The following ZFPM2 variants were observed in gnomAD, a reference collection of about 807,000 sequenced individuals.
The protein encoded by ZFPM2 is zinc finger protein, FOG family member 2.
ZFPM2 carries 20 observed loss-of-function variants against 98.6 expected under a neutral mutation model. The ratio of observed to expected loss-of-function variants is 0.20; its 90% CI spans 0.14 to 0.29. The LOEUF is 0.29. Ranked by LOEUF, ZFPM2 falls within the 10% of genes least tolerant of loss-of-function variation. The pLI, the probability that ZFPM2 is intolerant of heterozygous loss-of-function variation, is 1.00. For missense variants in ZFPM2, 1,310 were observed against 1,388.6 expected, an observed-to-expected ratio of 0.94 and a Z score of 0.90; for synonymous variants, 518 against 502.7, an observed-to-expected ratio of 1.03 and a Z score of -0.41.
intron 1 of ZFPM2, among the ~76,000 whole-genome samples, chr8:105,411,412 C>T (rs1811575189): frequency 6.6e-6 from 1 of 151,686 alleles, no homozygotes; most frequent in Non-Finnish European, 1.5e-5. Context: ...TTATCTTATA[C>T]GTTGTTGTTA....
intron 3 of ZFPM2, among the ~76,000 whole-genome samples, chr8:105,521,898 G>C (rs1295960618): frequency 6.6e-6 from 1 of 151,702 alleles, no homozygotes; most frequent in Non-Finnish European, 1.5e-5. Flanking sequence ...ATAACTACAG[G>C]AAAAAAATAA....
chr8:105,510,759 G>A (rs1813801587), intron 3 of ZFPM2, among the ~76,000 whole-genome samples: 8 of 152,092 alleles, frequency 5.3e-5, no homozygotes, highest in Admixed American at 5.2e-4. Context: ...CTGTTGGTTA[G>A]GAGATACTGG....
chr8:105,372,670 T>C (rs1810647949), intron 1 of ZFPM2, among the ~76,000 whole-genome samples: 1 of 152,130 alleles, frequency 6.6e-6, no homozygotes, highest in African/African-American at 2.4e-5. Flanking sequence ...AGTGTATACT[T>C]AGTAAGAAGA....
At chr8:105,762,803 C>G (rs1812761928) in intron 5 of ZFPM2, among the ~76,000 whole-genome samples, 1 of 151,850 alleles carries the variant, frequency 6.6e-6, no homozygotes, top group Admixed American at 6.6e-5. Flanking sequence ...CTCAATGGCA[C>G]AGTACTGATA....
At chr8:105,730,610 G>C (rs926000127) in intron 5 of ZFPM2, among the ~76,000 whole-genome samples, 6 of 151,606 alleles carry the variant, frequency 4.0e-5, no homozygotes, top group African/African-American at 1.5e-4. Context: ...ACGTGTTCCT[G>C]ATGGCTTAAC....
At chr8:105,704,143 A>G (rs1178495321) in intron 5 of ZFPM2, among the ~76,000 whole-genome samples, 1 of 151,966 alleles carries the variant, frequency 6.6e-6, no homozygotes. Flanking sequence ...CAACATTTGG[A>G]ATCAGAGGAC....
chr8:105,677,709 A>G (rs1810504014), intron 5 of ZFPM2, among the ~76,000 whole-genome samples: 1 of 152,092 alleles, frequency 6.6e-6, no homozygotes. Flanking sequence ...CATAAGAAAA[A>G]AAAAATAAAG....
intron 1 of ZFPM2, among the ~76,000 whole-genome samples, chr8:105,363,633 TATGGC>T (rs1810449854): frequency 6.6e-6 from 1 of 152,134 alleles, no homozygotes; most frequent in Non-Finnish European, 1.5e-5. Flanking sequence ...GTATTGCTAT[TATGGC>T]ATGCTGTCTC....
chr8:105,565,317 A>T (rs995966800), intron 4 of ZFPM2, among the ~76,000 whole-genome samples: 1 of 152,210 alleles, frequency 6.6e-6, no homozygotes, highest in Admixed American at 6.6e-5. Flanking sequence ...CACACTGAAC[A>T]TAGAAATAGA....
rs1358010331 is a variant in ZFPM2 at position 105,756,408 on chromosome 8, T to C, written c.533-32310T>C. ...TGTCTGCTGGCTTGGATAGCTTTAA[T>C]GCTCCTGTTCCACAGCACCAAAGCA... On this transcript the variant is annotated intron_variant, in intron 5 of 7. Transcript: ENST00000407775. 2.6e-5 allele frequency among the ~76,000 whole-genome samples: 4 copies of C among 152,164 alleles called. No homozygotes were observed. In the East Asian group the frequency reaches 7.7e-4, roughly 29 times the overall value.
intron 5 of ZFPM2, among the ~76,000 whole-genome samples, chr8:105,743,562 G>A (rs1429993030): frequency 6.6e-6 from 1 of 151,938 alleles, no homozygotes; most frequent in Non-Finnish European, 1.5e-5. Context: ...GGGGGTGTTG[G>A]AGCATGGCAG....
At position 105,441,494 on chromosome 8, in the gene ZFPM2, G is replaced by GAA. The variant is rs1262149483; in HGVS notation, c.200-2784_200-2783dup. Among the ~76,000 whole-genome samples, 51 of 86,606 alleles carry GAA rather than the reference G, an allele frequency of 5.9e-4. 8 individuals are homozygous for GAA. Among genetic ancestry groups the GAA allele is most frequent in the African/African-American group, 2.1e-3 (48 of 22,642 alleles). The allele number at this position is 86,606 out of a possible 152,430, so 56.8% of individuals were successfully genotyped here. A position where few individuals can be genotyped will look rare whatever the true frequency, so the allele number is the denominator to read the frequency against. On this transcript the variant is annotated intron_variant, in intron 2 of 7. Transcript: ENST00000407775. ...AGAAAGAAAGAAAGAAAGAAAGAAA[G>GAA]AAAGAAATCAAAGCCCAGGGGCGCC...
Position 105,801,551 on chromosome 8 carries a change from C to T in ZFPM2, c.1469C>T (p.Pro490Leu). 1 of 1,613,902 alleles carries T rather than the reference C, an allele frequency of 6.2e-7. No individual in the cohort carries two copies. Among genetic ancestry groups the T allele is most frequent in the Non-Finnish European group, 8.5e-7 (1 of 1,179,858 alleles). ...TCTCCAGTTCAGCCTAATATTGGGC[C>T]TTCTTTCCCTGTGGGCCCTTTCCTA... ...ASSPVQPNIG[P>L]SFPVGPFLSQ... The change falls in exon 8 of 8, where the codon CCT becomes CTT. Residue 490 changes from proline to leucine, a missense_variant. Pro to Leu is a moderately conservative substitution (Grantham distance 98). Coordinates refer to ENST00000407775, the MANE Select transcript of ZFPM2 (RefSeq NM_012082.4).
At position 105,561,528 on chromosome 8, in the gene ZFPM2, G is replaced by A. The variant is rs1263687218; in HGVS notation, c.420+47G>A. Reference sequence around the variant, plus strand: ...GTTAATATTTTGTCATCGACTGTTAGTATTTTGCCATAGCTCAGAAATTCT... The same window carrying A: ...GTTAATATTTTGTCATCGACTGTTAATATTTTGCCATAGCTCAGAAATTCT... On this transcript the variant is annotated intron_variant, in intron 4 of 7. Coordinates refer to ENST00000407775, the MANE Select transcript of ZFPM2 (RefSeq NM_012082.4). The A allele has an allele frequency of 2.8e-6, 4 of 1,409,992 alleles. No homozygotes were observed. In the Admixed American group the frequency reaches 8.6e-5, roughly 30 times the overall value. The allele number at this position is 1,409,992 out of a possible 1,614,324, so 87.3% of individuals were successfully genotyped here.
intron 5 of ZFPM2, among the ~76,000 whole-genome samples, chr8:105,702,275 G>C (rs1243292456): frequency 6.6e-6 from 1 of 152,192 alleles, no homozygotes; most frequent in Non-Finnish European, 1.5e-5. Flanking sequence ...CAATAGCTAA[G>C]GCATTAGCCA....
In ZFPM2 at chr8:105,754,609, G is replaced by A. The variant is rs1011116126; in HGVS notation, c.533-34109G>A. ...CTCAATTTCTTATTCAACGACCTGC[G>A]GTTCTCAGTTGGATCTAATTTCTCA... is the stretch of plus-strand genomic sequence containing the variant. On this transcript the variant is annotated intron_variant, in intron 5 of 7. Coordinates refer to ENST00000407775, the MANE Select transcript of ZFPM2 (RefSeq NM_012082.4). Among the ~76,000 whole-genome samples, 34 of 151,952 alleles carry A rather than the reference G, an allele frequency of 2.2e-4. 1 individual carries two copies. The highest frequency in any genetic ancestry group is 4.4e-5 in the Non-Finnish European group (3 of 68,010).
At chr8:105,758,294 T>C (rs1386217290) in intron 5 of ZFPM2, among the ~76,000 whole-genome samples, 2 of 152,142 alleles carry the variant, frequency 1.3e-5, no homozygotes, top group Non-Finnish European at 2.9e-5. Flanking sequence ...ATGATGTCAC[T>C]GCAGTTCTGA....
chr8:105,375,350 G>A (rs1810704173), intron 1 of ZFPM2, among the ~76,000 whole-genome samples: 1 of 152,112 alleles, frequency 6.6e-6, no homozygotes, highest in South Asian at 2.1e-4. Context: ...GAGAATCAGG[G>A]ACAGAAAACA....
chr8:105,802,972 C>G lies in ZFPM2; in HGVS notation c.2890C>G (p.Pro964Ala). 1 of 1,612,704 alleles carries G rather than the reference C, an allele frequency of 6.2e-7. No individual in the cohort carries two copies. Among genetic ancestry groups the G allele is most frequent in the African/African-American group, 1.3e-5 (1 of 74,980 alleles). Residue 964 changes from proline to alanine, a missense_variant, in exon 8 of 8, where the codon CCA becomes GCA. Physicochemically the swap from Pro to Ala is conservative, Grantham distance 27. Coordinates refer to ENST00000407775, the MANE Select transcript of ZFPM2 (RefSeq NM_012082.4). ...TKEENRHLFLPQCLYPGAIKK... is the reference protein window; with the variant it reads ...TKEENRHLFLAQCLYPGAIKK... ...AGAAGAAAACAGACATTTGTTTCTT[C>G]CACAATGCCTTTACCCTGGAGCAAT...
Sources: gnomAD v4.1 joint callset for allele counts (sites outside exome capture counted in the v4.1 genomes callset) on GRCh38, gnomAD v4.1.1 for gene constraint, MANE v1.5 for transcripts, NCBI Gene and HGNC (gene_info 2026-07-23, HGNC 2026-07-21) for gene names.